Variants in PYHIN1 observed in about 807,000 individuals in gnomAD.
PYHIN1 encodes pyrin and HIN domain-containing protein 1.
PYHIN1 carries 32 observed loss-of-function variants against 43.7 expected under a neutral mutation model. The ratio of observed to expected loss-of-function variants is 0.73; its 90% confidence interval spans 0.55 to 0.98. The LOEUF (loss-of-function observed/expected upper bound fraction) is 0.98. Among genes scored for constraint, PYHIN1 ranks in the 50% least tolerant of loss-of-function variants. The pLI, the probability that PYHIN1 is intolerant of heterozygous loss-of-function variation, is 0.00. For missense variants in PYHIN1, 588 were observed against 589.5 expected (o/e 1.00, Z 0.03); for synonymous variants, 205 against 203.1 (o/e 1.01, Z -0.08).
intron 7 of PYHIN1, among the ~76,000 whole-genome samples, chr1:158,962,725 C>T (rs144929138): frequency 6.6e-6 from 1 of 152,278 alleles, no homozygotes; most frequent in East Asian, 1.9e-4. Context: ...GAGAGGAGTC[C>T]AGTCTCTCTT....
downstream of PYHIN1, among the ~76,000 whole-genome samples, chr1:158,980,645 G>A (rs572149886): frequency 1.1e-4 from 17 of 152,130 alleles, no homozygotes; most frequent in South Asian, 2.1e-4. Context: ...GGGAAACTCT[G>A]CCCTGGTAAA....
intron 7 of PYHIN1, chr1:158,945,283 C>T (rs2101665596): frequency 3.1e-6 from 1 of 322,448 alleles, no homozygotes; most frequent in East Asian, 5.0e-5. Flanking sequence ...TCTTGTCTTG[C>T]TCCACCTATG....
the PYHIN1 span, among the ~76,000 whole-genome samples, chr1:158,986,742 T>C: frequency 6.5e-3 from 986 of 152,294 alleles, 10 homozygotes; most frequent in African/African-American, 0.023. Flanking sequence ...ATGGCAAGAC[T>C]TAAGGGATGG....
chr1:158,958,679 T>C (rs1650121523), intron 7 of PYHIN1, among the ~76,000 whole-genome samples: 1 of 148,112 alleles, frequency 6.8e-6, no homozygotes, highest in South Asian at 2.1e-4. Context: ...GTGGGTGCAA[T>C]GCACCAGCAT....
rs772949345 is a variant in PYHIN1, at chr1:158,976,738, A to G, written c.*43A>G. The G allele has an allele frequency of 2.1e-5, 33 of 1,602,368 alleles. No homozygotes were observed. The highest frequency in any genetic ancestry group is 3.4e-5 in the Admixed American group (2 of 58,988). On this transcript the variant is annotated 3_prime_UTR_variant, in exon 9 of 9. Coordinates refer to ENST00000368140, the MANE Select transcript of PYHIN1 (RefSeq NM_152501.5). ...AAGGATATCAAATAACTACTGTTCA[A>G]TCTTTACTCAAGTGTGGAAATTTTG...
the PYHIN1 span, among the ~76,000 whole-genome samples, chr1:158,984,860 A>G: frequency 6.6e-6 from 1 of 152,174 alleles, no homozygotes; most frequent in African/African-American, 2.4e-5. Context: ...TCTTTAGGAT[A>G]GTTAAGTCTT....
At chr1:158,981,923 T>C (rs1054889046), downstream of PYHIN1, among the ~76,000 whole-genome samples, 5 of 152,350 alleles carry the variant, frequency 3.3e-5, no homozygotes, top group East Asian at 9.6e-4. Context: ...CACATGCTTG[T>C]TAGTTGCATG....
chr1:158,936,864 A>G (rs1648573904), intron 1 of PYHIN1, 27 bp from the exon 2 acceptor site: 13 of 1,464,708 alleles, frequency 8.9e-6, no homozygotes, highest in Non-Finnish European at 1.2e-5. Context: ...TACATGTGTA[A>G]CACTATATAC....
intron 5 of PYHIN1, among the ~76,000 whole-genome samples, chr1:158,943,579 T>G (rs1649050755): frequency 6.6e-6 from 1 of 152,132 alleles, no homozygotes; most frequent in African/African-American, 2.4e-5. Flanking sequence ...AGAACTGTAA[T>G]AGAAATACTT....
intron 7 of PYHIN1, among the ~76,000 whole-genome samples, chr1:158,959,365 C>A (rs534827360): frequency 1.3e-5 from 2 of 151,964 alleles, no homozygotes; most frequent in East Asian, 3.9e-4. Context: ...ATCAACAAAC[C>A]TGTGGGTAAT....
chr1:158,971,596 A>T (rs1383421336), intron 7 of PYHIN1, among the ~76,000 whole-genome samples: 1 of 152,004 alleles, frequency 6.6e-6, no homozygotes, highest in African/African-American at 2.4e-5. Context: ...CAAAATGAAG[A>T]TCAGTATCCC....
downstream of PYHIN1, among the ~76,000 whole-genome samples, chr1:158,981,256 G>A (rs565640209): frequency 1.3e-5 from 2 of 152,248 alleles, no homozygotes; most frequent in East Asian, 1.9e-4. Flanking sequence ...GATCATCTGA[G>A]GTCAGGAGTT....
chr1:158,972,959 C>G (rs1248814437), intron 7 of PYHIN1, among the ~76,000 whole-genome samples: 1 of 152,096 alleles, frequency 6.6e-6, no homozygotes, highest in African/African-American at 2.4e-5. Context: ...GAGTTTATAT[C>G]TGTGTGTATG....
At chr1:158,981,764 A>G (rs1477245330), downstream of PYHIN1, among the ~76,000 whole-genome samples, 2 of 152,054 alleles carry the variant, frequency 1.3e-5, no homozygotes, top group Admixed American at 6.6e-5. Context: ...TCCACCCTCA[A>G]TGTATAAATG....
At chr1:158,953,184 C>T (rs1228386344) in intron 7 of PYHIN1, among the ~76,000 whole-genome samples, 4 of 77,370 alleles carry the variant, frequency 5.2e-5, no homozygotes, top group Non-Finnish European at 1.2e-4. Context: ...GAGGGGCGCC[C>T]GCCATTGCCC....
intron 5 of PYHIN1, among the ~76,000 whole-genome samples, chr1:158,943,442 T>C (rs2101661011): frequency 6.6e-6 from 1 of 152,288 alleles, no homozygotes; most frequent in Non-Finnish European, 1.5e-5. Context: ...CCCATTCTTT[T>C]TGCATAGGGG....
chr1:158,990,142 C>T, the PYHIN1 span, among the ~76,000 whole-genome samples: 6 of 152,018 alleles, frequency 3.9e-5, no homozygotes, highest in East Asian at 5.8e-4. Context: ...TTTTAAGGCA[C>T]GCTGAGACAG....
intron 7 of PYHIN1, among the ~76,000 whole-genome samples, chr1:158,952,926 G>A (rs1649650834): frequency 6.6e-6 from 1 of 152,216 alleles, no homozygotes; most frequent in Non-Finnish European, 1.5e-5. Flanking sequence ...GTAGGGTGAG[G>A]CATTGCCTCA....
chr1:158,971,155 T>G (rs1650910550), intron 7 of PYHIN1, among the ~76,000 whole-genome samples: 2 of 151,998 alleles, frequency 1.3e-5, no homozygotes, highest in African/African-American at 4.8e-5. Flanking sequence ...TGGCTAGGGT[T>G]TGTTGTCCTC....
Sources: gnomAD v4.1 joint callset for allele counts (sites outside exome capture counted in the v4.1 genomes callset) on GRCh38, gnomAD v4.1.1 for gene constraint, MANE v1.5 for transcripts, NCBI Gene and HGNC (gene_info 2026-07-23, HGNC 2026-07-21) for gene names.